GPR55: variants seen among roughly 807,000 people sequenced by gnomAD.
GPR55 encodes G-protein coupled receptor 55.
In GPR55, 6 loss-of-function variants were observed where a neutral mutation model predicts 7.9. The observed-to-expected ratio is 0.76, with a 90% CI of 0.41 to 1.49. The LOEUF is 1.49. Among genes scored for constraint, GPR55 ranks in the 40% most tolerant of loss-of-function variants. The pLI, the probability that GPR55 is intolerant of heterozygous loss-of-function variation, is 0.01. For synonymous variants in GPR55, 183 were observed against 166.8 expected, an observed-to-expected ratio of 1.10 and a Z score of -0.75; for missense variants, 376 against 406.0, an observed-to-expected ratio of 0.93 and a Z score of 0.63.
At chr2:230,948,102 C>T (rs1385528740) in intron 1 of GPR55, among the ~76,000 whole-genome samples, 1 of 152,090 alleles carries the variant, frequency 6.6e-6, no homozygotes, top group East Asian at 1.9e-4. Flanking sequence ...CCACCGCCGC[C>T]CACCCCCTGG....
At chr2:230,939,367 G>T (rs1691184757) in intron 1 of GPR55, among the ~76,000 whole-genome samples, 1 of 152,232 alleles carries the variant, frequency 6.6e-6, no homozygotes, top group African/African-American at 2.4e-5. Flanking sequence ...GGGTCTTCAA[G>T]GGTGGGGCAG....
intron 1 of GPR55, among the ~76,000 whole-genome samples, chr2:230,939,827 G>A (rs1030332831): frequency 2.0e-5 from 3 of 152,058 alleles, no homozygotes; most frequent in East Asian, 1.9e-4. Flanking sequence ...TCCTTGTTTC[G>A]GGAGGAAGCC....
chr2:230,936,658 C>T (rs1484636866), intron 1 of GPR55, among the ~76,000 whole-genome samples: 1 of 152,160 alleles, frequency 6.6e-6, no homozygotes, highest in African/African-American at 2.4e-5. Context: ...GAGGTTCTGC[C>T]TGCAGGAGTG....
rs375402938 is a variant in GPR55, at chr2:230,910,228, C to G, written c.735G>C (p.Gly245=). 6.2e-7 allele frequency: 1 copy of G among 1,613,872 alleles called. No homozygotes were observed. The highest frequency in any genetic ancestry group is 1.3e-5 in the African/African-American group (1 of 74,924). The change falls in exon 2 of 2, where the codon GGG becomes GGC. Residue 245 remains glycine, a synonymous_variant. Transcript: ENST00000650999. The surrounding 1 kb of genome is among the most constrained non-coding windows in gnomAD (Gnocchi z 5.4). ...FVVSFLPVHL[G]FFLQFLVRNS... is the part of the protein sequence containing the mutation. ...TTCTCACCAGGAACTGCAGGAAGAACCCCAGGTGGACTGGGAGGAAGGAGA... is the reference window on the plus strand; with the variant it reads ...TTCTCACCAGGAACTGCAGGAAGAAGCCCAGGTGGACTGGGAGGAAGGAGA...
intron 1 of GPR55, among the ~76,000 whole-genome samples, chr2:230,930,572 T>G (rs897279849): frequency 2.0e-5 from 3 of 151,766 alleles, no homozygotes; most frequent in Non-Finnish European, 4.4e-5. Context: ...CACCTCAGCC[T>G]CTCAACTTCC....
At chr2:230,946,318 G>T (rs1691313023) in intron 1 of GPR55, among the ~76,000 whole-genome samples, 1 of 152,164 alleles carries the variant, frequency 6.6e-6, no homozygotes, top group Non-Finnish European at 1.5e-5. Context: ...GTAGTTAATA[G>T]TTCTGTATTG....
chr2:230,922,239 G>A (rs755839258), intron 1 of GPR55, among the ~76,000 whole-genome samples: 5 of 152,192 alleles, frequency 3.3e-5, no homozygotes, highest in South Asian at 2.1e-4. Flanking sequence ...AGTATGTGAC[G>A]TGTGGAAAGG....
Position 230,910,645 on chromosome 2 carries a change from G to T in GPR55, c.318C>A (p.Tyr106Ter). 1 of 1,613,676 alleles carries T rather than the reference G, an allele frequency of 6.2e-7. No homozygotes were observed. Among genetic ancestry groups the T allele is most frequent in the Non-Finnish European group, 8.5e-7 (1 of 1,179,804 alleles). ...TGAAGCAGATGGTGAAGACGCTTCC[G>T]TACATGCTGACGAAGTAAAGGCACT... is the stretch of plus-strand genomic sequence containing the variant. ...LVECLYFVSM[Y>*]GSVFTICFIS... Residue 106 changes from tyrosine to a stop codon, truncating the protein, a stop_gained, in exon 2 of 2, where the codon TAC (tyrosine) becomes TAA (stop). Coordinates refer to ENST00000650999, the MANE Select transcript of GPR55 (RefSeq NM_005683.4). LOFTEE classifies it high-confidence loss of function. The surrounding 1 kb of genome is among the most constrained non-coding windows in gnomAD (Gnocchi z 5.4).
At position 230,944,604 on chromosome 2, in the gene GPR55, A is replaced by G. The variant is rs370206392; in HGVS notation, c.-135+16171T>C. 7.5e-4 allele frequency among the ~76,000 whole-genome samples: 114 copies of G among 152,358 alleles called. No individual in the cohort carries two copies. The highest frequency in any genetic ancestry group is 2.5e-3 in the African/African-American group (102 of 41,586). On this transcript the variant is annotated intron_variant, in intron 1 of 1. Transcript: ENST00000392039. The surrounding 1 kb of genome is among the most constrained non-coding windows in gnomAD (Gnocchi z 4.2). ...GAATGACTCAACAGTGACGTCCTAC[A>G]GCATGATTTGCTTTAACTGAAGGTG...
chr2:230,948,353 A>C (rs1206005405), intron 1 of GPR55, among the ~76,000 whole-genome samples: 2 of 151,636 alleles, frequency 1.3e-5, no homozygotes, highest in Non-Finnish European at 2.9e-5. Flanking sequence ...CTCTCCACAC[A>C]CCTCCCAACC....
At chr2:230,916,939 A>G (rs983140198) in intron 1 of GPR55, among the ~76,000 whole-genome samples, 12 of 152,216 alleles carry the variant, frequency 7.9e-5, no homozygotes, top group Middle Eastern at 3.2e-3. Flanking sequence ...ATAAAATATA[A>G]CTGTTTGCTC....
chr2:230,932,175 C>T (rs80118438), intron 1 of GPR55, among the ~76,000 whole-genome samples: 2,415 of 152,322 alleles, frequency 0.016, 63 homozygotes, highest in African/African-American at 0.055. Context: ...GAAACACCTC[C>T]ACGCCACCAG....
Position 230,909,996 on chromosome 2 carries a change from C to T in GPR55, c.*7G>A, listed in dbSNP as rs748725299. 2 of 1,608,428 alleles carry T rather than the reference C, an allele frequency of 1.2e-6. No individual in the cohort carries two copies. The highest frequency in any genetic ancestry group is 2.2e-5 in the South Asian group (2 of 90,318). ...GGCTTTCTTCCCCTGAACAGGATGT[C>T]CTTCCGTTAGCCCCGGGAGATCGTG... On this transcript the variant is annotated 3_prime_UTR_variant, in exon 2 of 2. Coordinates refer to ENST00000650999, the MANE Select transcript of GPR55 (RefSeq NM_005683.4).
intron 1 of GPR55, among the ~76,000 whole-genome samples, chr2:230,942,466 G>T (rs747882): frequency 6.6e-6 from 1 of 152,132 alleles, no homozygotes; most frequent in Non-Finnish European, 1.5e-5. Context: ...CCCCCAGGAC[G>T]TTTTGCAGGA....
intron 1 of GPR55, among the ~76,000 whole-genome samples, chr2:230,911,705 A>G (rs1406069622): frequency 1.3e-5 from 2 of 152,230 alleles, no homozygotes; most frequent in African/African-American, 4.8e-5. Flanking sequence ...TACCCCAAAG[A>G]GAAAACCAGA....
intron 1 of GPR55, among the ~76,000 whole-genome samples, chr2:230,916,816 A>G (rs961196129): frequency 6.6e-6 from 1 of 152,248 alleles, no homozygotes; most frequent in Non-Finnish European, 1.5e-5. Context: ...GATGAAAAGA[A>G]ACAAAACCAA....
At chr2:230,960,562 C>T (rs897366710) in intron 1 of GPR55, among the ~76,000 whole-genome samples, 7 of 152,076 alleles carry the variant, frequency 4.6e-5, no homozygotes, top group East Asian at 3.9e-4. Context: ...TATAAAACCA[C>T]GAATACTTCT....
intron 1 of GPR55, among the ~76,000 whole-genome samples, chr2:230,918,324 G>A (rs997061245): frequency 6.6e-6 from 1 of 152,190 alleles, no homozygotes; most frequent in Non-Finnish European, 1.5e-5. Flanking sequence ...TTACGTGTGT[G>A]TTGATCTGTT....
At position 230,910,632 on chromosome 2, in the gene GPR55, T is replaced by A. The variant is rs1690569108; in HGVS notation, c.331A>T (p.Thr111Ser). The change falls in exon 2 of 2, where the codon ACC becomes TCC. Residue 111 changes from threonine (T) to serine (S), a missense_variant. Transcript: ENST00000650999. The surrounding 1 kb of genome is among the most constrained non-coding windows in gnomAD (Gnocchi z 5.4). ...CGGTCCATGCTGATGAAGCAGATGGTGAAGACGCTTCCGTACATGCTGACG... is the reference window on the plus strand; with the variant it reads ...CGGTCCATGCTGATGAAGCAGATGGAGAAGACGCTTCCGTACATGCTGACG... Reference protein sequence around the residue: ...YFVSMYGSVFTICFISMDRFL... With the variant: ...YFVSMYGSVFSICFISMDRFL... 1.2e-6 allele frequency: 2 copies of A among 1,613,686 alleles called. No individual in the cohort carries two copies. The highest frequency in any genetic ancestry group is 1.7e-6 in the Non-Finnish European group (2 of 1,179,948).
Sources: allele counts gnomAD v4.1 joint callset (sites outside exome capture counted in the v4.1 genomes callset), GRCh38; gene constraint gnomAD v4.1.1; non-coding constraint Gnocchi (gnomAD v3.1); transcripts MANE v1.5; gene names NCBI Gene and HGNC (gene_info 2026-07-23, HGNC 2026-07-21).